Variants in AKAP19 observed in about 807,000 individuals in gnomAD.
AKAP19 encodes small A-kinase anchoring protein.
At chr2:190,077,757 G>A in the AKAP19 span, among the ~76,000 whole-genome samples, 3 of 152,114 alleles carry the variant, frequency 2.0e-5, no homozygotes, top group African/African-American at 7.2e-5. Context: ...TGTTGAAGTT[G>A]GTTTAGACAA....
chr2:190,170,177 T>C, the AKAP19 span, among the ~76,000 whole-genome samples: 3 of 152,230 alleles, frequency 2.0e-5, no homozygotes, highest in Non-Finnish European at 4.4e-5. Context: ...TCTGTTTTTA[T>C]AGGGGCACTA....
the AKAP19 span, among the ~76,000 whole-genome samples, chr2:189,910,841 A>G: frequency 6.6e-6 from 1 of 152,064 alleles, no homozygotes; most frequent in Non-Finnish European, 1.5e-5. Context: ...GTAACTTATT[A>G]CTTATACTAG....
chr2:190,004,645 T>C, the AKAP19 span, among the ~76,000 whole-genome samples: 1 of 152,104 alleles, frequency 6.6e-6, no homozygotes, highest in Non-Finnish European at 1.5e-5. Context: ...ACCTGGTTTA[T>C]GTTCTCATCT....
chr2:190,174,982 G>A, the AKAP19 span, among the ~76,000 whole-genome samples: 1 of 137,700 alleles, frequency 7.3e-6, no homozygotes, highest in Non-Finnish European at 1.6e-5. Flanking sequence ...TTGGAAATAA[G>A]CACATAAGAT....
chr2:189,976,319 G>T, the AKAP19 span, among the ~76,000 whole-genome samples: 98 of 152,342 alleles, frequency 6.4e-4, no homozygotes, highest in Non-Finnish European at 1.1e-3. Flanking sequence ...AAATGTTGCT[G>T]CCTGATCATT....
the AKAP19 span, among the ~76,000 whole-genome samples, chr2:189,972,140 T>A: frequency 1.3e-5 from 2 of 152,202 alleles, no homozygotes; most frequent in Admixed American, 1.3e-4. Context: ...CTTTAATCCA[T>A]CTTGAATTAA....
At chr2:189,888,290 G>A in the AKAP19 span, among the ~76,000 whole-genome samples, 1 of 152,102 alleles carries the variant, frequency 6.6e-6, no homozygotes, top group Non-Finnish European at 1.5e-5. Context: ...TCTGAGGCCT[G>A]TTCTATTCCA....
chr2:190,011,764 C>T, the AKAP19 span, among the ~76,000 whole-genome samples: 1 of 152,192 alleles, frequency 6.6e-6, no homozygotes, highest in South Asian at 2.1e-4. Context: ...TGTTTCTGGG[C>T]TTGCTATTCT....
the AKAP19 span, among the ~76,000 whole-genome samples, chr2:190,093,759 C>T: frequency 2.0e-5 from 3 of 152,122 alleles, no homozygotes; most frequent in South Asian, 2.1e-4. Flanking sequence ...GAAATTTGCC[C>T]GTGTGTAATT....
the AKAP19 span, among the ~76,000 whole-genome samples, chr2:190,141,256 C>T: frequency 2.6e-5 from 4 of 152,304 alleles, no homozygotes; most frequent in African/African-American, 9.6e-5. Context: ...CTTTGGAACC[C>T]TCCAAACTGT....
the AKAP19 span, among the ~76,000 whole-genome samples, chr2:189,893,855 G>A: frequency 2.0e-5 from 3 of 152,150 alleles, no homozygotes; most frequent in South Asian, 2.1e-4. Flanking sequence ...TATTATAAGG[G>A]ACTTTAGCAT....
chr2:189,971,962 G>T, the AKAP19 span, among the ~76,000 whole-genome samples: 5 of 151,618 alleles, frequency 3.3e-5, no homozygotes, highest in Admixed American at 6.6e-5. Context: ...AGTTTCTTTT[G>T]CTGTGCAGAA....
the AKAP19 span, among the ~76,000 whole-genome samples, chr2:190,178,240 G>C: frequency 6.6e-6 from 1 of 152,216 alleles, no homozygotes; most frequent in African/African-American, 2.4e-5. This position sits in a 1 kb window ranked among gnomAD's most constrained non-coding sequence, Gnocchi z 6.3. Context: ...CCCAGGGGCA[G>C]AGGGCGCCAA....
chr2:189,923,383 C>A, the AKAP19 span: 1 of 1,612,704 alleles, frequency 6.2e-7, no homozygotes, highest in Non-Finnish European at 8.5e-7. Context: ...CCATGAACTC[C>A]CGTGTATTCA....
At chr2:189,890,385 T>A in the AKAP19 span, among the ~76,000 whole-genome samples, 1 of 152,224 alleles carries the variant, frequency 6.6e-6, no homozygotes, top group Non-Finnish European at 1.5e-5. Flanking sequence ...CTGAGAAGAA[T>A]GTATATTCTG....
the AKAP19 span, among the ~76,000 whole-genome samples, chr2:190,131,811 G>A: frequency 0.027 from 4,184 of 152,254 alleles, 86 homozygotes; most frequent in Non-Finnish European, 0.041. Context: ...TGCTTGGTAT[G>A]TAGAGGAAAA....
the AKAP19 span, among the ~76,000 whole-genome samples, chr2:189,933,747 C>G: frequency 6.6e-6 from 1 of 152,032 alleles, no homozygotes; most frequent in African/African-American, 2.4e-5. Context: ...TTCTAAGAGA[C>G]TATAGGAAAT....
chr2:190,024,452 G>T, the AKAP19 span, among the ~76,000 whole-genome samples: 1 of 151,348 alleles, frequency 6.6e-6, no homozygotes. Context: ...CTATACAAGG[G>T]AATAGACAAG....
At chr2:190,116,716 C>T in the AKAP19 span, among the ~76,000 whole-genome samples, 2 of 152,164 alleles carry the variant, frequency 1.3e-5, no homozygotes, top group Non-Finnish European at 2.9e-5. Flanking sequence ...TTCTGGTGTG[C>T]CCAGAGTTGG....
Sources: gnomAD v4.1 joint callset for allele counts (sites outside exome capture counted in the v4.1 genomes callset) on GRCh38, gnomAD v4.1.1 for gene constraint, Gnocchi (gnomAD v3.1) non-coding constraint, MANE v1.5 for transcripts, NCBI Gene and HGNC (gene_info 2026-07-23, HGNC 2026-07-21) for gene names.